PPFIA4: variants seen among roughly 807,000 people sequenced by gnomAD.
The protein encoded by PPFIA4 is PPFI scaffold protein A4, also known as liprin-alpha-4.
A neutral mutation model predicts 145.7 loss-of-function variants in PPFIA4; 98 were observed. The ratio of observed to expected loss-of-function variants is 0.67; its 90% CI spans 0.57 to 0.80. PPFIA4 has a LOEUF of 0.80. Among genes scored for constraint, PPFIA4 ranks in the 30% least tolerant of loss-of-function variants. The pLI is 0.00. For synonymous variants in PPFIA4, 628 were observed against 649.6 expected (o/e 0.97, Z 0.51); for missense variants, 1,457 against 1,632.7 (o/e 0.89, Z 1.85).
chr1:203,068,561 C>A lies in PPFIA4; in HGVS notation c.3257C>A (p.Ala1086Asp), dbSNP rs749028077. The A allele has an allele frequency of 8.1e-6, 13 of 1,601,894 alleles. No homozygotes were observed. The Admixed American group carries it at 2.2e-4, about 28-fold the overall frequency. ...HESGVHGALLALDENFDHNTL... is the reference protein window; with the variant it reads ...HESGVHGALLDLDENFDHNTL... ...AGTGGTGTGCATGGAGCCTTGCTGG[C>A]CCTGGACGAGAACTTCGACCACAAC... is the stretch of plus-strand genomic sequence containing the variant. Residue 1086 changes from alanine to aspartate, a missense_variant, in exon 27 of 30, where the codon GCC becomes GAC. Physicochemically the swap from Ala to Asp is moderately radical, Grantham distance 126. This residue lies in a region of PPFIA4 where 848 missense variants were observed against 1,046.7 expected (regional missense o/e 0.81). Transcript: ENST00000295706. This position sits in a 1 kb window ranked among gnomAD's most constrained non-coding sequence, Gnocchi z 4.7.
chr1:203,070,664 ACT>A (rs1431150406), intron 27 of PPFIA4, among the ~76,000 whole-genome samples: 1 of 151,882 alleles, frequency 6.6e-6, no homozygotes, highest in African/African-American at 2.4e-5. Context: ...ATTTCTGAAA[ACT>A]CTGAATGAGT....
Position 203,046,358 on chromosome 1 carries a change from C to T in PPFIA4, c.1116C>T (p.Ala372=). ...ETLPEVEAEL[A]QRIAALTKAE... Reference sequence around the variant, plus strand: ...TGCCAGAGGTGGAGGCTGAGCTGGCCCAGAGAATTGCAGCCCTCACCAAGG... The same window carrying T: ...TGCCAGAGGTGGAGGCTGAGCTGGCTCAGAGAATTGCAGCCCTCACCAAGG... Residue 372 remains alanine (A), a synonymous_variant, in exon 9 of 30, where the codon GCC becomes GCT. Coordinates refer to ENST00000295706, the MANE Select transcript of PPFIA4 (RefSeq NM_001304331.2). 1 of 1,590,140 alleles carries T rather than the reference C, an allele frequency of 6.3e-7. No homozygotes were observed.
At chr1:203,061,363 C>T in intron 23 of PPFIA4, 1 of 522,332 alleles carries the variant, frequency 1.9e-6, no homozygotes, top group Admixed American at 3.6e-5. Context: ...TGTGCTTCCT[C>T]CCTGGTGGAG....
chr1:203,046,842 TTG>T (rs1660123914), intron 9 of PPFIA4, among the ~76,000 whole-genome samples: 1 of 152,128 alleles, frequency 6.6e-6, no homozygotes, highest in African/African-American at 2.4e-5. Flanking sequence ...GATTGCCAAA[TTG>T]AAGCTTCTAG....
intron 1 of PPFIA4, chr1:203,037,272 T>C: frequency 4.6e-6 from 1 of 217,476 alleles, no homozygotes; most frequent in Non-Finnish European, 1.0e-5. Context: ...GTGCAGTGTC[T>C]GACCTCTTAC....
intron 1 of PPFIA4, among the ~76,000 whole-genome samples, chr1:203,027,195 G>A (rs540208988): frequency 1.3e-5 from 2 of 152,102 alleles, no homozygotes; most frequent in Admixed American, 1.3e-4. Flanking sequence ...TGGAAGGAGC[G>A]GCCAACCCGA....
chr1:203,060,242 A>G lies in PPFIA4; in HGVS notation c.2609A>G (p.Tyr870Cys). The change falls in exon 22 of 30, where the codon TAT (tyrosine) becomes TGT (cysteine). Residue 870 changes from tyrosine (Y) to cysteine (C), a missense_variant. Physicochemically the swap from Tyr to Cys is radical, Grantham distance 194. This residue lies in a region of PPFIA4 where 848 missense variants were observed against 1,046.7 expected (regional missense o/e 0.81). Transcript: ENST00000295706. The surrounding 1 kb of genome is among the most constrained non-coding windows in gnomAD (Gnocchi z 4.8). ...CTCTGGGTGGGGATGCCTGCCTGGT[A>G]TGTGGCAGCCTGCCGGGCCAACGTC... ...LELWVGMPAWYVAACRANVKS... is the reference protein window; with the variant it reads ...LELWVGMPAWCVAACRANVKS... 6.2e-7 allele frequency: 1 copy of G among 1,613,984 alleles called. No homozygotes were observed. The highest frequency in any genetic ancestry group is 8.5e-7 in the Non-Finnish European group (1 of 1,179,964).
At chr1:203,050,963 C>G (rs1660465704) in intron 13 of PPFIA4, among the ~76,000 whole-genome samples, 1 of 151,228 alleles carries the variant, frequency 6.6e-6, no homozygotes, top group Admixed American at 6.6e-5. Flanking sequence ...GGCTGAGTTG[C>G]AGGGAGAAAA....
chr1:203,077,753 T>C lies in PPFIA4; in HGVS notation c.*1363T>C, dbSNP rs1662638721. ...TGGTAGGAATATTATTCCCAAGAAA[T>C]ACCCGCTCCTCACCTACTCCCTCAT... On this transcript the variant is annotated 3_prime_UTR_variant, in exon 30 of 30. Transcript: ENST00000295706. 1 of 152,176 alleles carries C rather than the reference T, an allele frequency of 6.6e-6. No homozygotes were observed. Among genetic ancestry groups the C allele is most frequent in the Middle Eastern group, 3.2e-3 (1 of 316 alleles). 9.4% of individuals were successfully genotyped at this position (152,176 alleles called of 1,614,324 possible). A position where few individuals can be genotyped will look rare whatever the true frequency, so the allele number is the denominator to read the frequency against.
intron 14 of PPFIA4, 87 bp downstream of exon 14, chr1:203,051,964 G>A: frequency 7.0e-7 from 1 of 1,425,606 alleles, no homozygotes; most frequent in Non-Finnish European, 9.6e-7. Flanking sequence ...CTGGTGTGTG[G>A]GGCAAATCCT....
At chr1:203,052,650 C>T (rs1384220856) in intron 14 of PPFIA4, among the ~76,000 whole-genome samples, 2 of 152,124 alleles carry the variant, frequency 1.3e-5, no homozygotes, top group Non-Finnish European at 2.9e-5. Context: ...TAGCAGCTAT[C>T]CAGGAGCTGA....
At chr1:203,076,318 G>C (rs746267826) in intron 29 of PPFIA4, 23 bp from the exon 30 acceptor site, 1 of 1,600,742 alleles carries the variant, frequency 6.2e-7, no homozygotes. Context: ...ACAGTGCGAT[G>C]CCTGTCTCTC....
chr1:203,029,917 G>A (rs1017787912), intron 1 of PPFIA4, among the ~76,000 whole-genome samples: 10 of 152,152 alleles, frequency 6.6e-5, no homozygotes, highest in Admixed American at 3.9e-4. Flanking sequence ...GAGTGCATAC[G>A]CACAATATGA....
intron 2 of PPFIA4, among the ~76,000 whole-genome samples, chr1:203,042,184 C>T (rs1223967860): frequency 1.3e-5 from 2 of 152,088 alleles, no homozygotes; most frequent in African/African-American, 4.8e-5. Flanking sequence ...GAGTTGGGGC[C>T]ACTCATTTGA....
rs1661271426 is a variant in PPFIA4, at chr1:203,060,286, T to A, written c.2653T>A (p.Ser885Thr). 1.9e-6 allele frequency: 3 copies of A among 1,613,972 alleles called. No individual in the cohort carries two copies. Among genetic ancestry groups the A allele is most frequent in the Non-Finnish European group, 2.5e-6 (3 of 1,179,966 alleles). Residue 885 changes from serine (S) to threonine (T), a missense_variant, in exon 22 of 30, where the codon TCC (serine) becomes ACC (threonine). This residue lies in a region of PPFIA4 where 848 missense variants were observed against 1,046.7 expected (regional missense o/e 0.81). Transcript: ENST00000295706. The surrounding 1 kb of genome is among the most constrained non-coding windows in gnomAD (Gnocchi z 4.8). ...CAACGTCAAGAGTGGTGCCATCATG[T>A]CCGCTCTGTCGGACACAGAGATCCA... ...RANVKSGAIM[S>T]ALSDTEIQRE... is the part of the protein sequence containing the mutation.
intron 2 of PPFIA4, among the ~76,000 whole-genome samples, chr1:203,042,774 T>C (rs962773693): frequency 1.6e-4 from 12 of 73,012 alleles, no homozygotes; most frequent in African/African-American, 3.4e-4. Context: ...GTAGCTGGAA[T>C]TACCCAGGTG....
chr1:203,037,373 G>A (rs1212568792), intron 1 of PPFIA4, among the ~76,000 whole-genome samples: 2 of 152,130 alleles, frequency 1.3e-5, no homozygotes, highest in African/African-American at 4.8e-5. Context: ...GGCTTTCATT[G>A]TGTCTCCCAT....
intron 2 of PPFIA4, 34 bp downstream of exon 2, chr1:203,039,276 C>CA: frequency 6.8e-7 from 1 of 1,480,050 alleles, no homozygotes; most frequent in Non-Finnish European, 9.0e-7. Context: ...CTCTTAACCC[C>CA]TTTCCCTCCT....
Position 203,049,780 on chromosome 1 carries a change from C to T in PPFIA4, c.1511+13C>T, listed in dbSNP as rs780757843. 1.9e-6 allele frequency: 3 copies of T among 1,542,004 alleles called. No homozygotes were observed. The highest frequency in any genetic ancestry group is 8.7e-7 in the Non-Finnish European group (1 of 1,143,148). ...GCGTCCACTCCAGGTACTGCAGCGC[C>T]AGAGGCTGGGCATGCCAGGACGGGG... On this transcript the variant is annotated intron_variant, in intron 13 of 29. Coordinates refer to ENST00000295706, the MANE Select transcript of PPFIA4 (RefSeq NM_001304331.2).
Sources: allele counts gnomAD v4.1 joint callset (sites outside exome capture counted in the v4.1 genomes callset), GRCh38; gene constraint gnomAD v4.1.1; regional missense constraint gnomAD v4.1.1; non-coding constraint Gnocchi (gnomAD v3.1); transcripts MANE v1.5; gene names NCBI Gene and HGNC (gene_info 2026-07-23, HGNC 2026-07-21).